TTC6: variants seen among roughly 807,000 people sequenced by gnomAD.
TTC6 encodes tetratricopeptide repeat domain 6.
In TTC6, 172 loss-of-function variants were observed where a neutral mutation model predicts 210.4. The ratio of observed to expected loss-of-function variants is 0.82; its 90% confidence interval spans 0.72 to 0.93. The LOEUF is 0.93. Ranked by LOEUF, TTC6 falls within the 40% of genes least tolerant of loss-of-function variation. The probability of loss-of-function intolerance (pLI) is 0.00; values close to 1 mark genes in which losing one functional copy is unlikely to be tolerated. For missense variants in TTC6, 2,414 were observed against 2,318.1 expected (o/e 1.04, Z -0.85); for synonymous variants, 804 against 819.6 (o/e 0.98, Z 0.32).
chr14:37,619,317 C>T (rs925602928), upstream of TTC6, among the ~76,000 whole-genome samples: 3 of 152,156 alleles, frequency 2.0e-5, no homozygotes, highest in East Asian at 1.9e-4. Flanking sequence ...TTCAGTTAAA[C>T]GCAATACGAC....
Position 37,785,290 on chromosome 14 carries a change from G to A in TTC6, c.3267-2178G>A, listed in dbSNP as rs374647976. Among the ~76,000 whole-genome samples, 316 of 152,220 alleles carry A rather than the reference G, an allele frequency of 2.1e-3. 1 individual carries two copies. Among genetic ancestry groups the A allele is most frequent in the Middle Eastern group, 3.4e-3 (1 of 294 alleles). ...GACATAGATTTGGTCTTTTCACATA[G>A]TCCCATATTTCTTGGAGGCTTTGTT... On this transcript the variant is annotated intron_variant, in intron 14 of 30. Transcript: ENST00000553443.
intron 16 of TTC6, 30 bp downstream of exon 18, chr14:37,790,867 T>C: frequency 6.7e-7 from 1 of 1,502,760 alleles, no homozygotes; most frequent in Non-Finnish European, 8.8e-7. Context: ...TTTATTGATT[T>C]CAGTTTTGTA....
At chr14:37,674,529 C>T (rs2138504099) in intron 1 of TTC6, among the ~76,000 whole-genome samples, 1 of 152,096 alleles carries the variant, frequency 6.6e-6, no homozygotes, top group South Asian at 2.1e-4. Context: ...GAGGTATGTG[C>T]TATTATTATT....
chr14:37,749,716 A>G, exon 12 of TTC6: 1 of 1,398,590 alleles, frequency 7.2e-7, no homozygotes, highest in South Asian at 1.7e-5. Context: ...TTTTCTAGGT[A>G]ATACTCTTGG....
At position 37,732,899 on chromosome 14, in the gene TTC6, C is replaced by G. The variant is rs143995079; in HGVS notation, c.1819-3022C>G. ...GGACTTAAAGCGTGAGCCACCGGGCCTGGCCTGTTGTCTTTAGTCTTTATA... is the reference window on the plus strand; with the variant it reads ...GGACTTAAAGCGTGAGCCACCGGGCGTGGCCTGTTGTCTTTAGTCTTTATA... On this transcript the variant is annotated intron_variant, in intron 7 of 30. Coordinates refer to ENST00000553443, the Ensembl canonical transcript of TTC6. Among the ~76,000 whole-genome samples, 1,184 of 152,252 alleles carry G rather than the reference C, an allele frequency of 7.8e-3. 22 individuals carry two copies. Among genetic ancestry groups the G allele is most frequent in the African/African-American group, 0.027 (1,120 of 41,528 alleles).
At chr14:37,808,590 T>A in intron 23 of TTC6, 143 bp from the exon 26 acceptor site, 1 of 461,182 alleles carries the variant, frequency 2.2e-6, no homozygotes. Flanking sequence ...AAGATTAGCT[T>A]CAATGTCTTA....
chr14:37,749,978 CTT>C (rs1222742070), intron 12 of TTC6, 135 bp downstream of exon 14: 1 of 514,818 alleles, frequency 1.9e-6, no homozygotes, highest in Non-Finnish European at 2.9e-6. Context: ...TTTTTTTACT[CTT>C]GTTATTGTAA....
intron 1 of TTC6, among the ~76,000 whole-genome samples, chr14:37,642,402 T>C (rs1051220906): frequency 6.6e-6 from 1 of 152,224 alleles, no homozygotes; most frequent in Non-Finnish European, 1.5e-5. Context: ...ATATGGTCAC[T>C]AACCAGTTAC....
At chr14:37,835,667 C>T (rs1018018097) in intron 29 of TTC6, among the ~76,000 whole-genome samples, 1 of 152,076 alleles carries the variant, frequency 6.6e-6, no homozygotes, top group Non-Finnish European at 1.5e-5. Context: ...GAAAGAAAGA[C>T]AAGATGGCTA....
chr14:37,600,906 T>G (rs2095614459), intron 1 of TTC6, among the ~76,000 whole-genome samples: 1 of 152,338 alleles, frequency 6.6e-6, no homozygotes, highest in East Asian at 1.9e-4. Flanking sequence ...TTGATTTTCC[T>G]TGTTCTATGG....
At chr14:37,677,498 G>C (rs967419222) in intron 1 of TTC6, among the ~76,000 whole-genome samples, 1 of 151,936 alleles carries the variant, frequency 6.6e-6, no homozygotes, top group South Asian at 2.1e-4. Context: ...CAAATAAAGA[G>C]ATTTTTTATA....
intron 2 of TTC6, among the ~76,000 whole-genome samples, chr14:37,609,261 A>G (rs999057552): frequency 6.6e-6 from 1 of 152,012 alleles, no homozygotes; most frequent in Non-Finnish European, 1.5e-5. Flanking sequence ...ATATATATAT[A>G]TAAAATTAGC....
chr14:37,722,768 G>A (rs996616355), intron 6 of TTC6, among the ~76,000 whole-genome samples: 2 of 152,104 alleles, frequency 1.3e-5, no homozygotes, highest in East Asian at 3.9e-4. Flanking sequence ...TGTTAACCTC[G>A]ATCACCTGGC....
chr14:37,739,109 A>G (rs867451539), exon 10 of TTC6: 1 of 1,527,124 alleles, frequency 6.5e-7, no homozygotes, highest in Non-Finnish European at 8.7e-7. Flanking sequence ...ACAAAAACTT[A>G]TATTCGTGCA....
At position 37,753,253 on chromosome 14, in the gene TTC6, TGTC is replaced by T. The variant is rs2095957781; in HGVS notation, c.3266+21_3266+23del. Reference sequence around the variant, plus strand: ...CAAGCAAGGTAAGAATGATTTTAGATGTCGTTTTAAAATTATTACTATTATTTG... The same window carrying T: ...CAAGCAAGGTAAGAATGATTTTAGATGTTTTAAAATTATTACTATTATTTG... On this transcript the variant is annotated intron_variant, in intron 14 of 30. Transcript: ENST00000553443. 3 of 1,507,514 alleles carry T rather than the reference TGTC, an allele frequency of 2.0e-6. No homozygotes were observed. The highest frequency in any genetic ancestry group is 2.7e-6 in the Non-Finnish European group (3 of 1,130,370). The allele number at this position is 1,507,514 out of a possible 1,614,324, so 93.4% of individuals were successfully genotyped here.
rs904139046 is a variant in TTC6 at position 37,611,116 on chromosome 14, C to G, written c.-155+4374C>G. On this transcript the variant is annotated intron_variant, in intron 2 of 2. Transcript: ENST00000556845. ...TCCGAGGCTGCCCCGGAGCGGGTCC[C>G]GCAAGGCGGGTGCACTTGAGGTGGG... is the stretch of plus-strand genomic sequence containing the variant. 2.0e-5 allele frequency: 3 copies of G among 152,464 alleles called. No individual in the cohort carries two copies. In the East Asian group the frequency reaches 5.8e-4, roughly 29 times the overall value. 9.4% of individuals were successfully genotyped at this position (152,464 alleles called of 1,614,324 possible).
chr14:37,651,999 A>G (rs929760943), intron 1 of TTC6, among the ~76,000 whole-genome samples: 1 of 152,204 alleles, frequency 6.6e-6, no homozygotes, highest in South Asian at 2.1e-4. Flanking sequence ...AGTCTTCAAC[A>G]GATCATTCTG....
intron 7 of TTC6, among the ~76,000 whole-genome samples, chr14:37,728,910 A>G (rs1241730367): frequency 6.6e-6 from 1 of 152,178 alleles, no homozygotes; most frequent in Non-Finnish European, 1.5e-5. Context: ...GTCCTTCTCC[A>G]GTTCTCTTCT....
chr14:37,726,102 T>G (rs990472536), intron 7 of TTC6, among the ~76,000 whole-genome samples: 8 of 152,170 alleles, frequency 5.3e-5, no homozygotes, highest in African/African-American at 1.9e-4. Flanking sequence ...TTTTTTTTCT[T>G]GGTTACAATA....
Sources: gnomAD v4.1 joint callset for allele counts (sites outside exome capture counted in the v4.1 genomes callset) on GRCh38, gnomAD v4.1.1 for gene constraint, MANE v1.5 for transcripts, NCBI Gene and HGNC (gene_info 2026-07-23, HGNC 2026-07-21) for gene names.